Variants in SNX29 observed in about 807,000 individuals in gnomAD.
SNX29 encodes sorting nexin 29, also known as sorting nexin-29.
Under a neutral mutation model 102.1 loss-of-function variants are expected in SNX29, and 78 were observed. That is an observed-to-expected ratio of 0.76 (90% CI 0.64 to 0.92). The LOEUF (loss-of-function observed/expected upper bound fraction) is 0.92. SNX29 is among the 40% of genes least tolerant of loss of function. SNX29 has a pLI of 0.00. For missense variants in SNX29, 1,280 were observed against 1,061.7 expected (o/e 1.21, Z -2.86); for synonymous variants, 580 against 414.5 (o/e 1.40, Z -4.85).
intron 13 of SNX29, among the ~76,000 whole-genome samples, chr16:12,179,299 C>T (rs927157963): frequency 2.6e-5 from 4 of 152,286 alleles, no homozygotes; most frequent in South Asian, 2.1e-4. Flanking sequence ...GACTGGGCAA[C>T]GTGGCGAAGC....
intron 13 of SNX29, among the ~76,000 whole-genome samples, chr16:12,168,854 G>A (rs1367083559): frequency 6.6e-6 from 1 of 152,250 alleles, no homozygotes; most frequent in Non-Finnish European, 1.5e-5. Context: ...GTGAGGGAGT[G>A]AGTTCTTTGC....
At chr16:11,983,062 C>T (rs2055460575) in intron 1 of SNX29, among the ~76,000 whole-genome samples, 1 of 151,978 alleles carries the variant, frequency 6.6e-6, no homozygotes, top group Admixed American at 6.6e-5. Context: ...TCCTGAGTAG[C>T]TGGGATTACG....
At chr16:12,282,713 T>A (rs904259748) in intron 15 of SNX29, among the ~76,000 whole-genome samples, 4 of 152,202 alleles carry the variant, frequency 2.6e-5, no homozygotes, top group Admixed American at 2.6e-4. Context: ...TGGAGTGCAA[T>A]TGCCTGATCT....
intron 18 of SNX29, among the ~76,000 whole-genome samples, chr16:12,413,216 A>G (rs1267101276): frequency 6.6e-6 from 1 of 152,186 alleles, no homozygotes; most frequent in Non-Finnish European, 1.5e-5. Flanking sequence ...AATAATCATT[A>G]CAAGTGTGGG....
intron 15 of SNX29, among the ~76,000 whole-genome samples, chr16:12,333,106 A>T (rs1176323417): frequency 2.2e-5 from 3 of 135,780 alleles, no homozygotes; most frequent in African/African-American, 5.5e-5. Flanking sequence ...CAATCAGTTA[A>T]TTTTTTTTTT....
intron 20 of SNX29, among the ~76,000 whole-genome samples, chr16:12,542,104 C>CG (rs1295018457): frequency 1.3e-5 from 2 of 152,116 alleles, no homozygotes; most frequent in African/African-American, 4.8e-5. Flanking sequence ...CTCTTCCCAA[C>CG]GGATCCCTAA....
At chr16:12,110,025 G>A (rs191707271) in intron 11 of SNX29, among the ~76,000 whole-genome samples, 3 of 152,218 alleles carry the variant, frequency 2.0e-5, no homozygotes, top group East Asian at 3.9e-4. Context: ...CACCGTGCCC[G>A]GCCCTCGTCT....
At chr16:12,440,076 C>G (rs966129493) in intron 18 of SNX29, among the ~76,000 whole-genome samples, 3 of 152,150 alleles carry the variant, frequency 2.0e-5, no homozygotes, top group African/African-American at 7.2e-5. Context: ...ACCCACCCCA[C>G]CGGATTGACT....
At chr16:12,126,057 A>G (rs929479767) in intron 11 of SNX29, among the ~76,000 whole-genome samples, 7 of 152,112 alleles carry the variant, frequency 4.6e-5, no homozygotes, top group Non-Finnish European at 1.0e-4. Context: ...TAGGGCATAG[A>G]TCATTTAAAA....
chr16:12,032,055 C>T, intron 4 of SNX29, among the ~76,000 whole-genome samples: 1 of 152,182 alleles, frequency 6.6e-6, no homozygotes, highest in South Asian at 2.1e-4. Flanking sequence ...ATTCTACTTT[C>T]TGCCTCAGTG....
intron 18 of SNX29, among the ~76,000 whole-genome samples, chr16:12,464,945 A>AC (rs1294034339): frequency 1.3e-5 from 2 of 152,166 alleles, no homozygotes; most frequent in Non-Finnish European, 2.9e-5. Flanking sequence ...GGCCATCCTA[A>AC]CAGGTGTGCA....
chr16:12,296,597 A>G (rs2079989064), intron 15 of SNX29, among the ~76,000 whole-genome samples: 1 of 152,206 alleles, frequency 6.6e-6, no homozygotes, highest in Non-Finnish European at 1.5e-5. Flanking sequence ...GTGTGTCAAT[A>G]AAACTTTATT....
intron 19 of SNX29, among the ~76,000 whole-genome samples, chr16:12,520,011 T>A (rs71386709): frequency 0.038 from 5,493 of 146,168 alleles, 119 homozygotes; most frequent in Middle Eastern, 0.13. Flanking sequence ...ATAAAAATAA[T>A]AATAATAATA....
chr16:12,238,770 C>A (rs1284335234), intron 14 of SNX29, among the ~76,000 whole-genome samples: 3 of 152,146 alleles, frequency 2.0e-5, no homozygotes, highest in African/African-American at 7.2e-5. Flanking sequence ...CTTAAATGAA[C>A]AACGTATCTT....
At chr16:12,234,659 C>G (rs2077870298) in intron 14 of SNX29, among the ~76,000 whole-genome samples, 2 of 152,132 alleles carry the variant, frequency 1.3e-5, no homozygotes, top group Non-Finnish European at 2.9e-5. Flanking sequence ...TAATTTTAGG[C>G]TTCAAAATGA....
chr16:11,988,979 A>ATT (rs573899646), intron 1 of SNX29, among the ~76,000 whole-genome samples: 2,202 of 148,470 alleles, frequency 0.015, 35 homozygotes, highest in African/African-American at 0.05. Flanking sequence ...CTCTAGAGTA[A>ATT]TTTTTTTTTT....
chr16:12,405,692 A>T (rs2084131633), intron 18 of SNX29, among the ~76,000 whole-genome samples: 1 of 152,224 alleles, frequency 6.6e-6, no homozygotes, highest in African/African-American at 2.4e-5. Context: ...ATAGAAGGTG[A>T]CTCATTTAAA....
chr16:12,453,226 A>G (rs1393530425), intron 18 of SNX29, among the ~76,000 whole-genome samples: 1 of 152,234 alleles, frequency 6.6e-6, no homozygotes, highest in African/African-American at 2.4e-5. Context: ...TCCATGGCAG[A>G]CGTGGCCAAT....
At chr16:12,433,211 C>A (rs969800246) in intron 18 of SNX29, among the ~76,000 whole-genome samples, 1 of 152,170 alleles carries the variant, frequency 6.6e-6, no homozygotes, top group African/African-American at 2.4e-5. Context: ...GCTTTTGTCA[C>A]CTTGAAAACA....
Sources: gnomAD v4.1 joint callset for allele counts (sites outside exome capture counted in the v4.1 genomes callset) on GRCh38, gnomAD v4.1.1 for gene constraint, MANE v1.5 for transcripts, NCBI Gene and HGNC (gene_info 2026-07-23, HGNC 2026-07-21) for gene names.